The following COTL1 variants were observed in gnomAD, a reference collection of about 807,000 sequenced individuals.
COTL1 encodes the protein coactosin-like protein.
A neutral mutation model predicts 16.5 loss-of-function variants in COTL1; 15 were observed. That is an observed-to-expected ratio of 0.91 (90% CI 0.61 to 1.40). The LOEUF (loss-of-function observed/expected upper bound fraction) is 1.40, where lower values mean the gene tolerates loss of function less well. Ranked by LOEUF, COTL1 falls within the 40% of genes most tolerant of loss-of-function variation. The probability of loss-of-function intolerance (pLI) is 0.00; values close to 1 mark genes in which losing one functional copy is unlikely to be tolerated. For missense variants in COTL1, 220 were observed against 201.5 expected, an observed-to-expected ratio of 1.09 and a Z score of -0.56; for synonymous variants, 112 against 85.3, an observed-to-expected ratio of 1.31 and a Z score of -1.73.
At chr16:84,611,391 G>A (rs1015742441) in intron 2 of COTL1, among the ~76,000 whole-genome samples, 3 of 152,198 alleles carry the variant, frequency 2.0e-5, no homozygotes, top group Non-Finnish European at 4.4e-5. Context: ...AGAAGAAGAG[G>A]GGAAGATAGG....
chr16:84,617,736 G>A (rs1164332632), intron 1 of COTL1, 102 bp downstream of exon 1: 11 of 1,387,396 alleles, frequency 7.9e-6, no homozygotes, highest in Non-Finnish European at 1.0e-5. Context: ...GAGGAAGACA[G>A]CGCGGGAGGC....
chr16:84,603,906 C>T (rs2150693830), intron 2 of COTL1, among the ~76,000 whole-genome samples: 1 of 151,736 alleles, frequency 6.6e-6, no homozygotes, highest in South Asian at 2.1e-4. Flanking sequence ...CCTCACATGG[C>T]TCCCGGGGCC....
chr16:84,592,502 C>G (rs534957035), intron 2 of COTL1, among the ~76,000 whole-genome samples: 1 of 151,562 alleles, frequency 6.6e-6, no homozygotes, highest in East Asian at 1.9e-4. Context: ...CTGGGGAAAT[C>G]TTAAACGCAG....
At chr16:84,570,655 T>C (rs994541624) in intron 3 of COTL1, among the ~76,000 whole-genome samples, 4 of 152,218 alleles carry the variant, frequency 2.6e-5, no homozygotes, top group Non-Finnish European at 4.4e-5. Context: ...AGGGTCATCC[T>C]GCAACTTGAT....
chr16:84,617,351 A>T, intron 2 of COTL1, 150 bp downstream of exon 2: 1 of 686,506 alleles, frequency 1.5e-6, no homozygotes, highest in Non-Finnish European at 2.5e-6. Flanking sequence ...ATGAGGCCTT[A>T]AAACGCTCAC....
intron 2 of COTL1, among the ~76,000 whole-genome samples, chr16:84,602,121 A>G (rs1905115057): frequency 6.6e-6 from 1 of 152,076 alleles, no homozygotes; most frequent in Non-Finnish European, 1.5e-5. Context: ...TACTTCCCGA[A>G]TAAATGAAGG....
intron 3 of COTL1, among the ~76,000 whole-genome samples, chr16:84,578,559 C>T (rs1904503161): frequency 6.6e-6 from 1 of 152,092 alleles, no homozygotes; most frequent in South Asian, 2.1e-4. Context: ...AGGGAACTCA[C>T]CAGGTGGAGG....
At position 84,590,664 on chromosome 16, in the gene COTL1, G is replaced by A. The variant is rs1904840802; in HGVS notation, c.161-402C>T. Reference sequence around the variant, plus strand: ...CATTGCACAGATGTGGGTGCCGCCAGCAGTGCCAGGGCCCAGCCAAAAAAA... The same window carrying A: ...CATTGCACAGATGTGGGTGCCGCCAACAGTGCCAGGGCCCAGCCAAAAAAA... On this transcript the variant is annotated intron_variant, in intron 2 of 3. Coordinates refer to ENST00000262428, the MANE Select transcript of COTL1 (RefSeq NM_021149.5). The surrounding 1 kb of genome is among the most constrained non-coding windows in gnomAD (Gnocchi z 5.5). 6.6e-6 allele frequency among the ~76,000 whole-genome samples: 1 copy of A among 152,214 alleles called. No homozygotes were observed. Among genetic ancestry groups the A allele is most frequent in the Non-Finnish European group, 1.5e-5 (1 of 68,038 alleles).
intron 3 of COTL1, among the ~76,000 whole-genome samples, chr16:84,583,061 C>G (rs1165845500): frequency 6.6e-6 from 1 of 152,236 alleles, no homozygotes; most frequent in African/African-American, 2.4e-5. Context: ...GCCCTGCTTG[C>G]GGCCTTCGAA....
intron 3 of COTL1, among the ~76,000 whole-genome samples, chr16:84,572,087 G>A (rs1387222355): frequency 6.6e-6 from 1 of 152,234 alleles, no homozygotes; most frequent in Non-Finnish European, 1.5e-5. Context: ...GCCTTCCAGC[G>A]GCTCCCATGA....
chr16:84,579,696 C>A (rs1426472198), intron 3 of COTL1, among the ~76,000 whole-genome samples: 2 of 152,124 alleles, frequency 1.3e-5, no homozygotes, highest in Non-Finnish European at 2.9e-5. Context: ...AATAAAACCA[C>A]CACGGGGCGA....
intron 3 of COTL1, among the ~76,000 whole-genome samples, chr16:84,571,853 G>A (rs112104370): frequency 7.2e-5 from 11 of 152,306 alleles, no homozygotes; most frequent in African/African-American, 2.6e-4. Context: ...CCTTCTATAG[G>A]GCCAGCAGCA....
chr16:84,614,505 G>C (rs1905420302), intron 2 of COTL1, among the ~76,000 whole-genome samples: 1 of 152,038 alleles, frequency 6.6e-6, no homozygotes, highest in South Asian at 2.1e-4. Flanking sequence ...GGAGGAAGGG[G>C]AGAAGGGACA....
Position 84,617,850 on chromosome 16 carries a change from G to T in COTL1, c.65C>A (p.Ser22Ter). 1 of 1,574,178 alleles carries T rather than the reference G, an allele frequency of 6.4e-7. No individual in the cohort carries two copies. Among genetic ancestry groups the T allele is most frequent in the Non-Finnish European group, 8.6e-7 (1 of 1,160,978 alleles). ...AAYNLVRDDG[S>*]AVIWVTFKYD... is the part of the protein sequence containing the mutation. The stretch of plus-strand genomic sequence containing the variant: ...GAAAAGTTCCTACCAGATGACGGCC[G>T]AGCCGTCGTCGCGCACCAGGTTGTA... Residue 22 changes from serine to a stop codon, truncating the protein, a stop_gained, in exon 1 of 4, where the codon TCG becomes TAG. Coordinates refer to ENST00000262428, the MANE Select transcript of COTL1 (RefSeq NM_021149.5). LOFTEE classifies it high-confidence loss of function.
At position 84,593,713 on chromosome 16, in the gene COTL1, G is replaced by GTTTAGCCGGGA. The variant is rs1567536183; in HGVS notation, c.161-3452_161-3451insTCCCGGCTAAA. ...TTTTTAGTAGAGACGGGGTTTCACC[G>GTTTAGCCGGGA]TGGTCTTGATCTCCTGACCTCGTGA... On this transcript the variant is annotated intron_variant, in intron 2 of 3. Transcript: ENST00000262428. Among the ~76,000 whole-genome samples, 3 of 152,080 alleles carry GTTTAGCCGGGA rather than the reference G, an allele frequency of 2.0e-5. No homozygotes were observed. In the East Asian group the frequency reaches 5.8e-4, roughly 29 times the overall value.
intron 2 of COTL1, among the ~76,000 whole-genome samples, chr16:84,607,894 A>C (rs550453167): frequency 6.6e-5 from 10 of 152,264 alleles, no homozygotes; most frequent in African/African-American, 2.4e-4. Context: ...GCCCTAAGAA[A>C]CGCCTAGACT....
chr16:84,579,426 G>A (rs2017156), intron 3 of COTL1, among the ~76,000 whole-genome samples: 41,580 of 152,074 alleles, frequency 0.27, 6,195 homozygotes, highest in Middle Eastern at 0.41. Flanking sequence ...GGCAGAGGTT[G>A]CTGTGAGCCG....
chr16:84,588,206 T>C (rs1034004680), intron 3 of COTL1, among the ~76,000 whole-genome samples: 3 of 151,366 alleles, frequency 2.0e-5, no homozygotes, highest in Admixed American at 1.3e-4. Context: ...TATAGTGAGA[T>C]CCTGTCTCTC....
chr16:84,569,438 C>T (rs2099132), intron 3 of COTL1, among the ~76,000 whole-genome samples: 15,142 of 152,000 alleles, frequency 0.1, 1,137 homozygotes, highest in East Asian at 0.3. Context: ...AGGAGCATCC[C>T]GAAGTCAAGC....
Sources: allele counts gnomAD v4.1 joint callset (sites outside exome capture counted in the v4.1 genomes callset), GRCh38; gene constraint gnomAD v4.1.1; non-coding constraint Gnocchi (gnomAD v3.1); transcripts MANE v1.5; gene names NCBI Gene and HGNC (gene_info 2026-07-23, HGNC 2026-07-21).